The following INPP5A variants were observed in gnomAD, a reference collection of about 807,000 sequenced individuals.
INPP5A encodes the protein inositol polyphosphate-5-phosphatase A, also known as 43 kDa inositol polyphosphate 5-phophatase.
In INPP5A, 14 loss-of-function variants were observed where a neutral mutation model predicts 65.2. That is an observed-to-expected ratio of 0.21 (90% confidence interval 0.14 to 0.34). INPP5A has a LOEUF of 0.34. Ranked by LOEUF, INPP5A falls within the 10% of genes least tolerant of loss-of-function variation. The pLI, the probability that INPP5A is intolerant of heterozygous loss-of-function variation, is 1.00. For synonymous variants in INPP5A, 207 were observed against 208.3 expected (o/e 0.99, Z 0.05); for missense variants, 431 against 545.6 (o/e 0.79, Z 2.09).
intron 13 of INPP5A, 66 bp downstream of exon 13, chr10:132,777,848 G>T: frequency 6.3e-7 from 1 of 1,576,560 alleles, no homozygotes; most frequent in Non-Finnish European, 8.6e-7. Context: ...GTCTGGCCCA[G>T]CCCTGGTGAC....
chr10:132,560,022 T>G (rs757286908), intron 1 of INPP5A, among the ~76,000 whole-genome samples: 3 of 151,964 alleles, frequency 2.0e-5, no homozygotes, highest in Admixed American at 6.6e-5. Context: ...TAGACCTGCT[T>G]GTGGAGTTGC....
chr10:132,717,013 A>G (rs1845751726), intron 8 of INPP5A, among the ~76,000 whole-genome samples: 1 of 152,214 alleles, frequency 6.6e-6, no homozygotes, highest in Non-Finnish European at 1.5e-5. Flanking sequence ...CCCCAGCCCC[A>G]AGGCTGAGGT....
chr10:132,680,691 C>T (rs577339466), intron 4 of INPP5A, among the ~76,000 whole-genome samples: 17 of 152,364 alleles, frequency 1.1e-4, no homozygotes, highest in African/African-American at 3.1e-4. Flanking sequence ...CGGGGCTGCG[C>T]GTGGCGCTTG....
intron 4 of INPP5A, among the ~76,000 whole-genome samples, chr10:132,667,897 T>C (rs2072828777): frequency 1.3e-5 from 2 of 152,198 alleles, no homozygotes; most frequent in Admixed American, 1.3e-4. Context: ...GGGAGGCATT[T>C]GCAGGTTATT....
intron 8 of INPP5A, among the ~76,000 whole-genome samples, chr10:132,715,820 A>G (rs1370305467): frequency 2.6e-5 from 4 of 152,198 alleles, no homozygotes; most frequent in Non-Finnish European, 4.4e-5. Flanking sequence ...GCTCGTCCCA[A>G]TCAGGCTTTC....
In INPP5A at chr10:132,753,120, G is replaced by A. The variant is rs999543102; in HGVS notation, c.903+3275G>A. 1.3e-5 allele frequency among the ~76,000 whole-genome samples: 2 copies of A among 152,114 alleles called. No individual in the cohort carries two copies. The highest frequency in any genetic ancestry group is 1.9e-4 in the East Asian group (1 of 5,176). On this transcript the variant is annotated intron_variant, in intron 11 of 15. Transcript: ENST00000368594. This position sits in a 1 kb window ranked among gnomAD's most constrained non-coding sequence, Gnocchi z 5.3. ...CTCTCTGTTTGGGGCCTGGGACGAC[G>A]GCACCTTCGGGAACGCCCCATGGGT...
At chr10:132,747,193 G>A (rs1846385516) in intron 9 of INPP5A, among the ~76,000 whole-genome samples, 2 of 152,254 alleles carry the variant, frequency 1.3e-5, no homozygotes, top group South Asian at 4.1e-4. Context: ...AAGCCCATTA[G>A]CATCTGGATG....
chr10:132,744,120 C>CA (rs1216966124), intron 9 of INPP5A, among the ~76,000 whole-genome samples: 1 of 152,374 alleles, frequency 6.6e-6, no homozygotes, highest in East Asian at 1.9e-4. Context: ...GAAACAGGTG[C>CA]ACCCACAGAG....
chr10:132,585,925 C>G (rs1455248031), intron 1 of INPP5A, among the ~76,000 whole-genome samples: 1 of 152,226 alleles, frequency 6.6e-6, no homozygotes, highest in Non-Finnish European at 1.5e-5. Context: ...GGATCCCACC[C>G]TGAGGGTGCT....
At chr10:132,755,541 CAT>C (rs1314221876) in intron 11 of INPP5A, among the ~76,000 whole-genome samples, 6 of 148,276 alleles carry the variant, frequency 4.0e-5, no homozygotes, top group African/African-American at 1.3e-4. Context: ...CAGGCATATG[CAT>C]ATGAGTGGGT....
chr10:132,775,790 A>G (rs567225886), intron 12 of INPP5A, among the ~76,000 whole-genome samples: 41 of 152,242 alleles, frequency 2.7e-4, no homozygotes, highest in Non-Finnish European at 1.8e-4. Flanking sequence ...ACCCTGTCCC[A>G]TGGACAGAGG....
At chr10:132,573,980 G>T in intron 1 of INPP5A, among the ~76,000 whole-genome samples, 1 of 128,790 alleles carries the variant, frequency 7.8e-6, no homozygotes, top group African/African-American at 3.2e-5. Flanking sequence ...TTGAGATGTT[G>T]GGGTGTACGT....
chr10:132,688,242 C>G (rs1156285741), intron 4 of INPP5A, among the ~76,000 whole-genome samples: 1 of 152,214 alleles, frequency 6.6e-6, no homozygotes, highest in Non-Finnish European at 1.5e-5. Context: ...AACATAAGTC[C>G]CCTCACCATG....
rs999115646 is a variant in INPP5A at position 132,741,547 on chromosome 10, G to A, written c.733-7970G>A. ...TCCACTCCACAGAACCCTGGCCCTC[G>A]TCACACCCAGAAGAGGATGCCCCAG... is the stretch of plus-strand genomic sequence containing the variant. On this transcript the variant is annotated intron_variant, in intron 9 of 15. Coordinates refer to ENST00000368594, the MANE Select transcript of INPP5A (RefSeq NM_005539.5). This position sits in a 1 kb window ranked among gnomAD's most constrained non-coding sequence, Gnocchi z 4.4. 1.3e-5 allele frequency among the ~76,000 whole-genome samples: 2 copies of A among 152,014 alleles called. No homozygotes were observed. Among genetic ancestry groups the A allele is most frequent in the Non-Finnish European group, 2.9e-5 (2 of 68,006 alleles).
intron 11 of INPP5A, among the ~76,000 whole-genome samples, chr10:132,765,112 C>T (rs1846818894): frequency 6.7e-6 from 1 of 148,938 alleles, no homozygotes; most frequent in East Asian, 2.0e-4. Context: ...CGTGGTGACA[C>T]TCAGGAACAT....
rs200683281 is a variant in INPP5A at position 132,724,203 on chromosome 10, C to CA, written c.648-2611dup. ...ATCTGCAGAAAAGAATAGATTGTCT[C>CA]AAAAAAACCCGTGCCGCTGGGAATG... On this transcript the variant is annotated intron_variant, in intron 8 of 15. Transcript: ENST00000368594. Among the ~76,000 whole-genome samples, 331 of 152,158 alleles carry CA rather than the reference C, an allele frequency of 2.2e-3. 3 individuals carry two copies. The highest frequency in any genetic ancestry group is 6.5e-3 in the African/African-American group (269 of 41,506).
At chr10:132,722,995 G>T (rs1845914361) in intron 8 of INPP5A, among the ~76,000 whole-genome samples, 1 of 152,176 alleles carries the variant, frequency 6.6e-6, no homozygotes, top group South Asian at 2.1e-4. Flanking sequence ...TGATTGCCTC[G>T]GCCGTGACAG....
At chr10:132,599,000 A>C (rs985797390) in intron 1 of INPP5A, among the ~76,000 whole-genome samples, 4 of 152,204 alleles carry the variant, frequency 2.6e-5, no homozygotes, top group Admixed American at 1.3e-4. Flanking sequence ...TTCCCATAAC[A>C]GGTGGGAATT....
rs563670365 is a variant in INPP5A at position 132,718,553 on chromosome 10, C to A, written c.647+8097C>A. On this transcript the variant is annotated intron_variant, in intron 8 of 15. Coordinates refer to ENST00000368594, the MANE Select transcript of INPP5A (RefSeq NM_005539.5). ...CTGGGTTCTGTCTGGGCACCTTAGA[C>A]GACTGTCTTCAGGGTTCTGTGGTAC... Among the ~76,000 whole-genome samples the A allele has an allele frequency of 1.1e-3, 160 of 148,500 alleles. 2 individuals carry two copies. Among genetic ancestry groups the A allele is most frequent in the Non-Finnish European group, 1.8e-3 (123 of 67,014 alleles).
Sources: allele counts gnomAD v4.1 joint callset (sites outside exome capture counted in the v4.1 genomes callset), GRCh38; gene constraint gnomAD v4.1.1; non-coding constraint Gnocchi (gnomAD v3.1); transcripts MANE v1.5; gene names NCBI Gene and HGNC (gene_info 2026-07-23, HGNC 2026-07-21).